Variants in SLC11A2 observed in about 807,000 individuals in gnomAD.
SLC11A2 encodes natural resistance-associated macrophage protein 2.
A neutral mutation model predicts 68.0 loss-of-function variants in SLC11A2; 38 were observed. The ratio of observed to expected loss-of-function variants is 0.56; its 90% CI spans 0.43 to 0.73. The LOEUF (loss-of-function observed/expected upper bound fraction) is 0.73. SLC11A2 is among the 30% of genes least tolerant of loss of function. The pLI is 0.00. For missense variants in SLC11A2, 517 were observed against 690.5 expected (o/e 0.75, Z 2.82); for synonymous variants, 242 against 250.6 (o/e 0.97, Z 0.32).
At chr12:50,984,293 T>A (rs1017402874), downstream of SLC11A2, among the ~76,000 whole-genome samples, 1 of 152,186 alleles carries the variant, frequency 6.6e-6, no homozygotes, top group African/African-American at 2.4e-5. Flanking sequence ...GATAAAACTA[T>A]TTCCAACTAG....
intron 5 of SLC11A2, among the ~76,000 whole-genome samples, chr12:51,002,182 T>C (rs1291596256): frequency 6.6e-6 from 1 of 152,054 alleles, no homozygotes; most frequent in Non-Finnish European, 1.5e-5. Flanking sequence ...ACCCTGTCTC[T>C]ACAAAAAATT....
chr12:50,994,852 G>A (rs1789565288), intron 10 of SLC11A2: 2 of 551,122 alleles, frequency 3.6e-6, no homozygotes, highest in South Asian at 4.0e-5. Context: ...CTGAGTTACA[G>A]TGTGCATGGT....
Position 51,000,361 on chromosome 12 carries a change from T to G in SLC11A2, c.488A>C (p.Gln163Pro), listed in dbSNP as rs1265104706. ...AGCAATGGCTGAGCCAATGACTTCT[T>G]GCATGTCTGAGCCGATGATAGCCAA... Reference protein sequence around the residue: ...VELAIIGSDMQEVIGSAIAIN... With the variant: ...VELAIIGSDMPEVIGSAIAIN... The change falls in exon 6 of 16, where the codon CAA becomes CCA. Residue 163 changes from glutamine (Q) to proline (P), a missense_variant. Gln to Pro is a moderately conservative substitution (Grantham distance 76). Transcript: ENST00000262052. The G allele has an allele frequency of 1.2e-6, 2 of 1,614,182 alleles. No homozygotes were observed. Among genetic ancestry groups the G allele is most frequent in the Non-Finnish European group, 1.7e-6 (2 of 1,179,992 alleles).
At chr12:51,003,548 T>C (rs1942454473) in intron 5 of SLC11A2, among the ~76,000 whole-genome samples, 1 of 148,512 alleles carries the variant, frequency 6.7e-6, no homozygotes, top group Non-Finnish European at 1.5e-5. Context: ...TGAGATTCTG[T>C]CTCAAAAAAA....
chr12:50,993,991 C>CCAAAAAAAAAAAA (rs1941445545), intron 11 of SLC11A2, among the ~76,000 whole-genome samples: 1 of 17,020 alleles, frequency 5.9e-5, no homozygotes, highest in Non-Finnish European at 1.2e-4. Flanking sequence ...GACCTTGTCT[C>CCAAAAAAAAAAAA]CAAAAAAAAA....
intron 6 of SLC11A2, 152 bp downstream of exon 6, chr12:51,000,161 C>G: frequency 2.9e-6 from 2 of 689,780 alleles, no homozygotes; most frequent in Non-Finnish European, 5.3e-6. Flanking sequence ...CTACATCTAC[C>G]AGGGGAGAAG....
At chr12:51,012,490 G>A (rs896104683) in intron 1 of SLC11A2, among the ~76,000 whole-genome samples, 3 of 152,150 alleles carry the variant, frequency 2.0e-5, no homozygotes, top group Non-Finnish European at 4.4e-5. Flanking sequence ...ATGAAGCCTC[G>A]CTTAATGATC....
intron 5 of SLC11A2, among the ~76,000 whole-genome samples, chr12:51,002,041 T>C (rs1465570746): frequency 6.6e-6 from 1 of 152,120 alleles, no homozygotes; most frequent in Non-Finnish European, 1.5e-5. Context: ...CACCTCCAGA[T>C]AGCTAGCATC....
the SLC11A2 span, among the ~76,000 whole-genome samples, chr12:50,967,693 A>C: frequency 6.6e-6 from 1 of 152,360 alleles, no homozygotes; most frequent in Non-Finnish European, 1.5e-5. Flanking sequence ...TCAGAGAACC[A>C]ATTCCGGATA....
the SLC11A2 span, among the ~76,000 whole-genome samples, chr12:50,974,353 G>GA: frequency 1.3e-5 from 2 of 152,192 alleles, no homozygotes; most frequent in African/African-American, 4.8e-5. Context: ...TTAAAGAAAA[G>GA]AATGTTCAAC....
At chr12:51,000,521 CT>C in intron 5 of SLC11A2, 102 bp from the exon 6 acceptor site, 1 of 822,496 alleles carries the variant, frequency 1.2e-6, no homozygotes, top group South Asian at 1.4e-5. Flanking sequence ...ATAAACAGTC[CT>C]TTATAAGCCT....
At chr12:50,983,780 G>A (rs915984332), downstream of SLC11A2, among the ~76,000 whole-genome samples, 1 of 152,102 alleles carries the variant, frequency 6.6e-6, no homozygotes, top group African/African-American at 2.4e-5. Flanking sequence ...AGACCAGCCT[G>A]GCCAACATGG....
intron 1 of SLC11A2, among the ~76,000 whole-genome samples, chr12:51,024,171 GC>G (rs1206503154): frequency 1.3e-5 from 2 of 152,156 alleles, no homozygotes; most frequent in Non-Finnish European, 2.9e-5. Flanking sequence ...TGTATAAATA[GC>G]CGCTTCTTTG....
At chr12:50,990,292 T>C (rs1941020661) in intron 15 of SLC11A2, among the ~76,000 whole-genome samples, 1 of 152,180 alleles carries the variant, frequency 6.6e-6, no homozygotes, top group African/African-American at 2.4e-5. Context: ...CCCGAATCTC[T>C]AAATCACACT....
At chr12:50,954,110 CT>C in the SLC11A2 span, 1 of 1,442,518 alleles carries the variant, frequency 6.9e-7, no homozygotes. Flanking sequence ...CAAGCCTTGA[CT>C]GGATGCAGAA....
the SLC11A2 span, chr12:50,953,962 C>A: frequency 2.5e-6 from 3 of 1,203,164 alleles, no homozygotes; most frequent in East Asian, 2.3e-5. Flanking sequence ...TGATTCACGG[C>A]AACCACATTT....
upstream of SLC11A2, chr12:51,028,416 C>A: frequency 2.0e-6 from 1 of 492,194 alleles, no homozygotes; most frequent in Non-Finnish European, 3.6e-6. Context: ...TTTGACCTGT[C>A]GTGAAAAGAG....
At chr12:50,981,680 A>G, downstream of SLC11A2, 1 of 1,317,992 alleles carries the variant, frequency 7.6e-7, no homozygotes, top group South Asian at 1.3e-5. Context: ...CTGGCACAAA[A>G]AGGGCTTAGA....
At chr12:51,007,652 C>T (rs1329589078) in intron 3 of SLC11A2, among the ~76,000 whole-genome samples, 3 of 147,858 alleles carry the variant, frequency 2.0e-5, no homozygotes, top group East Asian at 2.0e-4. Context: ...TTTTGGTTTT[C>T]GTTTTTGAGA....
Sources: gnomAD v4.1 joint callset for allele counts (sites outside exome capture counted in the v4.1 genomes callset) on GRCh38, gnomAD v4.1.1 for gene constraint, MANE v1.5 for transcripts, NCBI Gene and HGNC (gene_info 2026-07-23, HGNC 2026-07-21) for gene names.